CWF19L2: variants seen among roughly 807,000 people sequenced by gnomAD.
CWF19L2 encodes the protein CWF19 like cell cycle control factor 2.
A neutral mutation model predicts 111.7 loss-of-function variants in CWF19L2; 98 were observed. That is an observed-to-expected ratio of 0.88 (90% CI 0.75 to 1.04). The LOEUF (loss-of-function observed/expected upper bound fraction) is 1.04. Ranked by LOEUF, CWF19L2 falls within the 50% of genes least tolerant of loss-of-function variation. The pLI is 0.00. For missense variants in CWF19L2, 1,101 were observed against 1,051.4 expected (o/e 1.05, Z -0.65); for synonymous variants, 351 against 342.9 (o/e 1.02, Z -0.26).
intron 12 of CWF19L2, among the ~76,000 whole-genome samples, chr11:107,358,926 G>C (rs140006335): frequency 6.6e-6 from 1 of 152,268 alleles, no homozygotes; most frequent in Non-Finnish European, 1.5e-5. Flanking sequence ...AACACAATTA[G>C]AGAATTGATG....
At position 107,383,318 on chromosome 11, in the gene CWF19L2, A is replaced by G. The variant is rs551915141; in HGVS notation, c.1872+6756T>C. Among the ~76,000 whole-genome samples the G allele has an allele frequency of 2.6e-5, 4 of 152,230 alleles. No homozygotes were observed. The South Asian group carries it at 8.3e-4, about 32-fold the overall frequency. On this transcript the variant is annotated intron_variant, in intron 12 of 17. Coordinates refer to ENST00000282251, the MANE Select transcript of CWF19L2 (RefSeq NM_152434.3). The stretch of plus-strand genomic sequence containing the variant: ...AATCAGACACTATCTCCAGGTAGAC[A>G]GTGTTGGAACTGAATTAGAGGACAT...
At chr11:107,361,726 T>C (rs912147399) in intron 12 of CWF19L2, among the ~76,000 whole-genome samples, 1 of 152,242 alleles carries the variant, frequency 6.6e-6, no homozygotes, top group African/African-American at 2.4e-5. Flanking sequence ...TATTATTTTT[T>C]ATAGCTATTG....
chr11:107,403,617 T>C lies in CWF19L2; in HGVS notation c.1618-10722A>G, dbSNP rs550550173. On this transcript the variant is annotated intron_variant, in intron 10 of 17. Coordinates refer to ENST00000282251, the MANE Select transcript of CWF19L2 (RefSeq NM_152434.3). ...TCAAGGTGTGTCTTCTCTGTCTCCA[T>C]TGGAATGTTCTCCTCGTCTTTCTTC... The C allele has an allele frequency of 1.0e-4, 81 of 780,278 alleles. 2 individuals are homozygous for C. Among genetic ancestry groups the C allele is most frequent in the Admixed American group, 6.7e-4 (39 of 58,342 alleles). 48.3% of individuals were successfully genotyped at this position (780,278 alleles called of 1,614,324 possible).
At chr11:107,418,436 A>G (rs1432538236) in intron 8 of CWF19L2, 149 bp from the exon 9 acceptor site, 9 of 625,708 alleles carry the variant, frequency 1.4e-5, no homozygotes, top group Middle Eastern at 2.6e-4. Flanking sequence ...ATTAAACTCA[A>G]TATTTTTCCA....
intron 10 of CWF19L2, among the ~76,000 whole-genome samples, chr11:107,393,772 T>C (rs1017935341): frequency 9.9e-5 from 15 of 152,008 alleles, no homozygotes; most frequent in African/African-American, 3.4e-4. Context: ...CTAAGTGAAA[T>C]AACTCAGGAA....
intron 14 of CWF19L2, among the ~76,000 whole-genome samples, chr11:107,343,755 G>A (rs1463663933): frequency 1.3e-5 from 2 of 152,062 alleles, no homozygotes; most frequent in Non-Finnish European, 2.9e-5. Flanking sequence ...GATTCTAAGA[G>A]TTGCTTTAAG....
intron 14 of CWF19L2, among the ~76,000 whole-genome samples, chr11:107,341,000 C>T (rs1265940499): frequency 6.6e-6 from 1 of 152,108 alleles, no homozygotes; most frequent in Non-Finnish European, 1.5e-5. Flanking sequence ...AGATCTTTTA[C>T]AGACAACTGC....
At chr11:107,360,457 TA>T (rs1860309922) in intron 12 of CWF19L2, among the ~76,000 whole-genome samples, 1 of 152,144 alleles carries the variant, frequency 6.6e-6, no homozygotes, top group South Asian at 2.1e-4. Flanking sequence ...CAAGTGGGGG[TA>T]TTTTTTATAA....
At chr11:107,347,566 T>C (rs1272131517) in intron 14 of CWF19L2, among the ~76,000 whole-genome samples, 3 of 152,208 alleles carry the variant, frequency 2.0e-5, no homozygotes, top group Admixed American at 6.5e-5. Context: ...TACAACACCA[T>C]TATTTGCATA....
chr11:107,438,939 C>T lies in CWF19L2; in HGVS notation c.664+151G>A, dbSNP rs921707033. ...CCTGTAATCCCAACTACTTGGGAGG[C>T]TGAGGTGGGAGGATCACTTGAGGGG... On this transcript the variant is annotated intron_variant, in intron 6 of 17. Coordinates refer to ENST00000282251, the MANE Select transcript of CWF19L2 (RefSeq NM_152434.3). The T allele has an allele frequency of 9.3e-5, 49 of 525,268 alleles. No individual in the cohort carries two copies. In the Admixed American group the frequency reaches 1.5e-3, roughly 16 times the overall value. The allele number at this position is 525,268 out of a possible 1,614,324, so 32.5% of individuals were successfully genotyped here.
At chr11:107,422,576 T>A (rs1032686806) in intron 8 of CWF19L2, among the ~76,000 whole-genome samples, 2 of 152,094 alleles carry the variant, frequency 1.3e-5, no homozygotes, top group African/African-American at 4.8e-5. Context: ...ATGTCAATTA[T>A]ACCTCAAAGT....
At chr11:107,432,297 G>A (rs1358418734) in intron 7 of CWF19L2, among the ~76,000 whole-genome samples, 2 of 152,136 alleles carry the variant, frequency 1.3e-5, no homozygotes, top group African/African-American at 4.8e-5. Flanking sequence ...TTCCAATTCG[G>A]CTGGGCGCAG....
chr11:107,383,057 C>T (rs571428667), intron 12 of CWF19L2, among the ~76,000 whole-genome samples: 22 of 152,346 alleles, frequency 1.4e-4, no homozygotes, highest in South Asian at 1.2e-3. Context: ...TCGCCCTACG[C>T]GTCTCTTCAC....
chr11:107,429,307 T>C lies in CWF19L2; in HGVS notation c.925A>G (p.Lys309Glu). ...CQESRESDLV[K>E]YGNSSRDRYA... Reference sequence around the variant, plus strand: ...CTATCCCTTGAACTGTTACCATATTTTACTAAGTCTGATTCTCTACTTTCT... The same window carrying C: ...CTATCCCTTGAACTGTTACCATATTCTACTAAGTCTGATTCTCTACTTTCT... Residue 309 changes from lysine (K) to glutamate (E), a missense_variant, in exon 8 of 18, where the codon AAA becomes GAA. Coordinates refer to ENST00000282251, the MANE Select transcript of CWF19L2 (RefSeq NM_152434.3). 1 of 1,612,406 alleles carries C rather than the reference T, an allele frequency of 6.2e-7. No homozygotes were observed. Among genetic ancestry groups the C allele is most frequent in the Non-Finnish European group, 8.5e-7 (1 of 1,179,102 alleles).
chr11:107,349,719 A>T (rs1565247835), intron 13 of CWF19L2, among the ~76,000 whole-genome samples: 1 of 152,104 alleles, frequency 6.6e-6, no homozygotes, highest in Non-Finnish European at 1.5e-5. Context: ...GCTGGGTTTT[A>T]GCTAGAAATA....
At chr11:107,439,474 A>G (rs1027462632) in intron 5 of CWF19L2, among the ~76,000 whole-genome samples, 2 of 152,236 alleles carry the variant, frequency 1.3e-5, no homozygotes, top group Non-Finnish European at 2.9e-5. Flanking sequence ...AACACAGACA[A>G]TAAAAACAGA....
At chr11:107,418,314 A>C in intron 8 of CWF19L2, 27 bp from the exon 9 acceptor site, 1 of 1,422,822 alleles carries the variant, frequency 7.0e-7, no homozygotes, top group South Asian at 1.1e-5. Context: ...GATTAACAGC[A>C]TATGAAATAT....
rs1194482980 is a variant in CWF19L2, at chr11:107,378,172, C to T, written c.1872+11902G>A. On this transcript the variant is annotated intron_variant, in intron 12 of 17. Coordinates refer to ENST00000282251, the MANE Select transcript of CWF19L2 (RefSeq NM_152434.3). ...GAACACTTTTACACTGTTGGTGGGA[C>T]TGTCAACTAGTTCAACCATTGTGGA... 4.7e-5 allele frequency among the ~76,000 whole-genome samples: 7 copies of T among 150,336 alleles called. No individual in the cohort carries two copies. In the East Asian group the frequency reaches 1.4e-3, roughly 29 times the overall value.
At chr11:107,337,365 TTTTGTGTGTGTG>T (rs2134525914) in intron 14 of CWF19L2, among the ~76,000 whole-genome samples, 3 of 114,178 alleles carry the variant, frequency 2.6e-5, no homozygotes, top group African/African-American at 1.1e-4. Flanking sequence ...GAGGTGTGTG[TTTTGTGTGTGTG>T]TGTGTGTGTG....
Sources: allele counts gnomAD v4.1 joint callset (sites outside exome capture counted in the v4.1 genomes callset), GRCh38; gene constraint gnomAD v4.1.1; transcripts MANE v1.5; gene names NCBI Gene and HGNC (gene_info 2026-07-23, HGNC 2026-07-21).